POLR3A: variants seen among roughly 807,000 people sequenced by gnomAD.
POLR3A encodes the protein DNA-directed RNA polymerase III subunit RPC1.
In POLR3A, 112 loss-of-function variants were observed where a neutral mutation model predicts 152.8. That is an observed-to-expected ratio of 0.73 (90% CI 0.63 to 0.86). The LOEUF is 0.86. Ranked by LOEUF, POLR3A falls within the 40% of genes least tolerant of loss-of-function variation. The pLI is 0.00. For synonymous variants in POLR3A, 615 were observed against 652.1 expected, an observed-to-expected ratio of 0.94 and a Z score of 0.87; for missense variants, 1,385 against 1,743.1, an observed-to-expected ratio of 0.79 and a Z score of 3.66.
In POLR3A at chr10:78,024,707, T is replaced by C. The variant is rs746976931; in HGVS notation, c.491-4A>G. On this transcript the variant is annotated splice_polypyrimidine_tract_variant and splice_region_variant and intron_variant, in intron 4 of 30. Coordinates refer to ENST00000372371, the MANE Select transcript of POLR3A (RefSeq NM_007055.4). ...AGTCCACACTTCTTTACGGTACCTA[T>C]AAGGGTTAGTTTATTTACCAAGAAA... is the stretch of plus-strand genomic sequence containing the variant. 3.1e-6 allele frequency: 5 copies of C among 1,608,378 alleles called. No individual in the cohort carries two copies. Among genetic ancestry groups the C allele is most frequent in the Non-Finnish European group, 4.3e-6 (5 of 1,174,860 alleles).
Position 78,016,624 on chromosome 10 carries a change from G to A in POLR3A, c.1431+951C>T, listed in dbSNP as rs186201105. Among the ~76,000 whole-genome samples the A allele has an allele frequency of 9.8e-3, 1,485 of 151,332 alleles. 7 individuals are homozygous for A. Among genetic ancestry groups the A allele is most frequent in the Non-Finnish European group, 0.017 (1,150 of 67,928 alleles). ...AGCTACTTGAGAGGCTAAGGCAGGAGACTCACTTGAACCTGGGAGGCAGAG... is the reference window on the plus strand; with the variant it reads ...AGCTACTTGAGAGGCTAAGGCAGGAAACTCACTTGAACCTGGGAGGCAGAG... On this transcript the variant is annotated intron_variant, in intron 10 of 30. Coordinates refer to ENST00000372371, the MANE Select transcript of POLR3A (RefSeq NM_007055.4).
Position 77,990,564 on chromosome 10 carries a change from T to C in POLR3A, c.2901+490A>G, listed in dbSNP as rs559686226. On this transcript the variant is annotated intron_variant, in intron 21 of 30. Transcript: ENST00000372371. ...ACTAAGAAAGTCATGAGATAAATTCTGCTTGTTGGCTGGTGAGATTTTGCC... is the reference window on the plus strand; with the variant it reads ...ACTAAGAAAGTCATGAGATAAATTCCGCTTGTTGGCTGGTGAGATTTTGCC... 4.6e-5 allele frequency among the ~76,000 whole-genome samples: 7 copies of C among 151,810 alleles called. No homozygotes were observed. In the East Asian group the frequency reaches 1.4e-3, roughly 29 times the overall value.
chr10:77,982,663 TC>T lies in POLR3A; in HGVS notation c.3583del (p.Asp1195IlefsTer47), dbSNP rs747683665. 25 of 1,612,978 alleles carry T rather than the reference TC, an allele frequency of 1.5e-5. No homozygotes were observed. Among genetic ancestry groups the T allele is most frequent in the Non-Finnish European group, 2.1e-5 (25 of 1,179,988 alleles). On this transcript the variant is annotated frameshift_variant, in exon 27 of 31. Transcript: ENST00000372371. LOFTEE classifies it high-confidence loss of function. ...MYYVLQFLKE[D>X]LPKVVVQGIP... ...CGACTTCTGTTTCACCTTGGGGAGATCCTCTTTCAGGAACTGCAGCACGTAG... is the reference window on the plus strand; with the variant it reads ...CGACTTCTGTTTCACCTTGGGGAGATCTCTTTCAGGAACTGCAGCACGTAG...
intron 1 of POLR3A, among the ~76,000 whole-genome samples, chr10:78,029,043 G>C (rs7894573): frequency 0.12 from 18,460 of 152,070 alleles, 3,622 homozygotes; most frequent in African/African-American, 0.41. Flanking sequence ...CTGCAGCAGG[G>C]GATAGTTCGC....
intron 10 of POLR3A, among the ~76,000 whole-genome samples, chr10:78,015,281 T>A (rs140554390): frequency 6.6e-6 from 1 of 152,320 alleles, no homozygotes; most frequent in African/African-American, 2.4e-5. Flanking sequence ...GATGGGAATA[T>A]GTAAGTTCAT....
intron 14 of POLR3A, among the ~76,000 whole-genome samples, chr10:78,008,237 G>A (rs1217504080): frequency 2.0e-5 from 3 of 152,020 alleles, no homozygotes; most frequent in Non-Finnish European, 4.4e-5. Context: ...TAAATAATTT[G>A]TTACTCATAT....
At chr10:78,003,800 C>T (rs899846415) in intron 16 of POLR3A, among the ~76,000 whole-genome samples, 2 of 151,368 alleles carry the variant, frequency 1.3e-5, no homozygotes, top group African/African-American at 4.9e-5. Context: ...TGGTGGTGGG[C>T]GCCTGTAATC....
chr10:78,020,019 T>A (rs189983579), intron 8 of POLR3A: 1 of 150,702 alleles, frequency 6.6e-6, no homozygotes, highest in African/African-American at 2.4e-5. Context: ...ACTAAGAATA[T>A]AAAAATTAGC....
At chr10:78,024,398 C>G in intron 5 of POLR3A, 151 bp downstream of exon 5, 1 of 634,038 alleles carries the variant, frequency 1.6e-6, no homozygotes, top group East Asian at 3.0e-5. Flanking sequence ...AAGGAATTAT[C>G]GGAGAGCTGT....
intron 19 of POLR3A, among the ~76,000 whole-genome samples, chr10:77,994,400 A>C (rs1309036500): frequency 6.6e-6 from 1 of 151,990 alleles, no homozygotes; most frequent in Non-Finnish European, 1.5e-5. Flanking sequence ...ATGCTTCCAT[A>C]GTAGGGAGAG....
Position 78,025,743 on chromosome 10 carries a change from T to G in POLR3A, c.197A>C (p.Asp66Ala). 1 of 1,614,072 alleles carries G rather than the reference T, an allele frequency of 6.2e-7. No homozygotes were observed. The highest frequency in any genetic ancestry group is 8.5e-7 in the Non-Finnish European group (1 of 1,179,960). ...TTTCCCACAGGTTTCACATGGACGA[T>G]CCTTCTCACTCGTACCCTTTGAAAA... ...LDHRMGTSEKDRPCETCGKNL... is the reference protein window; with the variant it reads ...LDHRMGTSEKARPCETCGKNL... Residue 66 changes from aspartate to alanine, a missense_variant, in exon 3 of 31, where the codon GAT becomes GCT. Asp to Ala is a moderately radical substitution (Grantham distance 126, BLOSUM62 -2). This residue lies in a region of POLR3A where 493 missense variants were observed against 647.5 expected (regional missense o/e 0.76). Coordinates refer to ENST00000372371, the MANE Select transcript of POLR3A (RefSeq NM_007055.4).
chr10:78,019,484 G>A, intron 8 of POLR3A: 2 of 587,068 alleles, frequency 3.4e-6, no homozygotes, highest in Non-Finnish European at 6.1e-6. Flanking sequence ...TGCTCACTGA[G>A]TGACATGGCC....
Position 77,977,290 on chromosome 10 carries a change from G to A in POLR3A, c.*188C>T. Reference sequence around the variant, plus strand: ...TCTCCCGAGCAGCGTGGCACAGTCAGGGTCACTGGTGTGAGCTGCACCCTA... The same window carrying A: ...TCTCCCGAGCAGCGTGGCACAGTCAAGGTCACTGGTGTGAGCTGCACCCTA... On this transcript the variant is annotated 3_prime_UTR_variant, in exon 31 of 31. Coordinates refer to ENST00000372371, the MANE Select transcript of POLR3A (RefSeq NM_007055.4). 1 of 668,702 alleles carries A rather than the reference G, an allele frequency of 1.5e-6. No individual in the cohort carries two copies. The allele number at this position is 668,702 out of a possible 1,614,324, so 41.4% of individuals were successfully genotyped here.
chr10:77,980,353 T>C (rs1847128842), intron 29 of POLR3A, 80 bp from the exon 30 acceptor site: 2 of 1,363,302 alleles, frequency 1.5e-6, no homozygotes, highest in Admixed American at 3.4e-5. Context: ...GCACCTTCAA[T>C]ACAATCAACA....
intron 21 of POLR3A, among the ~76,000 whole-genome samples, chr10:77,988,511 A>C (rs1306177696): frequency 6.6e-6 from 1 of 152,088 alleles, no homozygotes; most frequent in Non-Finnish European, 1.5e-5. Context: ...AAAACAAAAA[A>C]ACTTTTATTA....
intron 16 of POLR3A, among the ~76,000 whole-genome samples, chr10:78,004,208 T>A (rs955697170): frequency 6.6e-6 from 1 of 152,138 alleles, no homozygotes; most frequent in East Asian, 1.9e-4. Flanking sequence ...CACTCCAGCC[T>A]GGCTGGAGTG....
intron 16 of POLR3A, among the ~76,000 whole-genome samples, chr10:78,003,084 T>G (rs1159962816): frequency 1.3e-5 from 2 of 152,244 alleles, no homozygotes; most frequent in African/African-American, 2.4e-5. Context: ...ATGAGGTGAC[T>G]TCACAAGAAT....
At chr10:78,007,037 C>T (rs569057193) in intron 15 of POLR3A, among the ~76,000 whole-genome samples, 2 of 152,142 alleles carry the variant, frequency 1.3e-5, no homozygotes, top group East Asian at 3.9e-4. Flanking sequence ...CACCACTGCA[C>T]TACAGCCTGG....
chr10:78,025,504 A>T, intron 3 of POLR3A, 118 bp downstream of exon 3: 3 of 907,340 alleles, frequency 3.3e-6, no homozygotes, highest in Non-Finnish European at 5.5e-6. Context: ...TTATGTACTT[A>T]GTATAAAAGA....
Sources: allele counts gnomAD v4.1 joint callset (sites outside exome capture counted in the v4.1 genomes callset), GRCh38; gene constraint gnomAD v4.1.1; regional missense constraint gnomAD v4.1.1; transcripts MANE v1.5; gene names NCBI Gene and HGNC (gene_info 2026-07-23, HGNC 2026-07-21).